The following GALNT2 variants were observed in gnomAD, a reference collection of about 807,000 sequenced individuals.
GALNT2 encodes the protein UDP-GalNAc:polypeptide N-acetylgalactosaminyltransferase 2.
GALNT2 carries 31 observed loss-of-function variants against 81.4 expected under a neutral mutation model. The ratio of observed to expected loss-of-function variants is 0.38; its 90% CI spans 0.29 to 0.51. GALNT2 has a LOEUF of 0.51. GALNT2 is among the 20% of genes least tolerant of loss of function. The pLI is 0.87. For missense variants in GALNT2, 629 were observed against 765.7 expected, an observed-to-expected ratio of 0.82 and a Z score of 2.11; for synonymous variants, 303 against 287.4, an observed-to-expected ratio of 1.05 and a Z score of -0.55.
intron 3 of GALNT2, among the ~76,000 whole-genome samples, chr1:230,227,348 A>C (rs933189870): frequency 6.6e-6 from 1 of 151,924 alleles, no homozygotes; most frequent in African/African-American, 2.4e-5. Flanking sequence ...AAACCAGAAA[A>C]AGAAAGTATA....
intron 3 of GALNT2, among the ~76,000 whole-genome samples, chr1:230,234,784 A>AT (rs1390559025): frequency 4.6e-5 from 7 of 152,130 alleles, no homozygotes; most frequent in Admixed American, 2.6e-4. Flanking sequence ...CTGTACTAGG[A>AT]TGCTCTTAGG....
At chr1:230,078,086 G>A (rs977988843) in intron 1 of GALNT2, among the ~76,000 whole-genome samples, 3 of 152,178 alleles carry the variant, frequency 2.0e-5, no homozygotes, top group Admixed American at 1.3e-4. Context: ...CGGGGGTGGT[G>A]GAGGAAAGGG....
At chr1:230,134,183 A>C (rs1661462609) in intron 1 of GALNT2, among the ~76,000 whole-genome samples, 1 of 146,930 alleles carries the variant, frequency 6.8e-6, no homozygotes, top group Admixed American at 7.0e-5. Flanking sequence ...ATCTCAGCTC[A>C]CTGCAAGCTC....
At chr1:230,129,095 A>T (rs772726343) in intron 1 of GALNT2, among the ~76,000 whole-genome samples, 1 of 152,232 alleles carries the variant, frequency 6.6e-6, no homozygotes, top group Non-Finnish European at 1.5e-5. Context: ...GGGCTCTCTC[A>T]TAATTTTATG....
intron 3 of GALNT2, among the ~76,000 whole-genome samples, chr1:230,233,728 C>T (rs928047181): frequency 6.6e-6 from 1 of 152,048 alleles, no homozygotes; most frequent in African/African-American, 2.4e-5. Context: ...TTTATGTCAG[C>T]TGAAATAAAC....
chr1:230,140,606 T>C (rs1661700341), intron 1 of GALNT2, among the ~76,000 whole-genome samples: 2 of 152,166 alleles, frequency 1.3e-5, no homozygotes, highest in South Asian at 2.1e-4. Context: ...CTTCCTGGAG[T>C]GACGCGCTGC....
intron 1 of GALNT2, among the ~76,000 whole-genome samples, chr1:230,094,038 G>A (rs190174474): frequency 6.6e-6 from 1 of 151,968 alleles, no homozygotes; most frequent in East Asian, 1.9e-4. Flanking sequence ...GTCTCGCTCT[G>A]TTGCCCAGGC....
At chr1:230,156,421 T>C (rs1259673680) in intron 1 of GALNT2, among the ~76,000 whole-genome samples, 5 of 152,270 alleles carry the variant, frequency 3.3e-5, no homozygotes, top group African/African-American at 1.2e-4. Flanking sequence ...GAAGTCAGCT[T>C]GTCCTTGGTA....
At chr1:230,208,834 A>C (rs762634274) in intron 3 of GALNT2, among the ~76,000 whole-genome samples, 7 of 152,122 alleles carry the variant, frequency 4.6e-5, no homozygotes, top group Non-Finnish European at 1.0e-4. Flanking sequence ...TGTGCCACCC[A>C]CCCAGAGCGA....
At chr1:230,203,758 C>T (rs959499589) in intron 3 of GALNT2, among the ~76,000 whole-genome samples, 133 of 152,252 alleles carry the variant, frequency 8.7e-4, no homozygotes, top group African/African-American at 3.0e-3. Context: ...TTAAATTGAG[C>T]AGAAACACAG....
At chr1:230,232,591 TC>T (rs1664898879) in intron 3 of GALNT2, among the ~76,000 whole-genome samples, 1 of 152,218 alleles carries the variant, frequency 6.6e-6, no homozygotes, top group African/African-American at 2.4e-5. Context: ...CTAGGTCTGC[TC>T]GTCTCAGCAA....
intron 3 of GALNT2, among the ~76,000 whole-genome samples, chr1:230,226,487 G>A (rs1300466828): frequency 3.3e-5 from 5 of 152,304 alleles, no homozygotes; most frequent in South Asian, 2.1e-4. Flanking sequence ...CTAATTTAAC[G>A]CCCCCACAGG....
intron 1 of GALNT2, among the ~76,000 whole-genome samples, chr1:230,173,898 G>A (rs951458704): frequency 6.6e-6 from 1 of 152,164 alleles, no homozygotes; most frequent in Non-Finnish European, 1.5e-5. Context: ...AGTAAGTAGG[G>A]CGAGGATTTT....
At chr1:230,109,585 C>G (rs373516294) in intron 1 of GALNT2, among the ~76,000 whole-genome samples, 2 of 152,064 alleles carry the variant, frequency 1.3e-5, no homozygotes, top group African/African-American at 4.8e-5. Flanking sequence ...CCCAGCACTT[C>G]GGGAGGCCGA....
rs924033118 is a variant in GALNT2 at position 230,275,747 on chromosome 1, CAT to C, written c.1560+1191_1560+1192del. Among the ~76,000 whole-genome samples the C allele has an allele frequency of 1.3e-5, 2 of 150,514 alleles. No individual in the cohort carries two copies. Among genetic ancestry groups the C allele is most frequent in the Non-Finnish European group, 3.0e-5 (2 of 67,698 alleles). ...ACCACATATATATATACAAACACCA[CAT>C]ATATATACATATATACATACACCAC... On this transcript the variant is annotated intron_variant, in intron 15 of 15. Coordinates refer to ENST00000366672, the MANE Select transcript of GALNT2 (RefSeq NM_004481.5). The surrounding 1 kb of genome is among the most constrained non-coding windows in gnomAD (Gnocchi z 5.5).
chr1:230,064,973 T>C (rs563261321), upstream of GALNT2, among the ~76,000 whole-genome samples: 5 of 152,370 alleles, frequency 3.3e-5, no homozygotes, highest in Non-Finnish European at 7.3e-5. Flanking sequence ...ATTTAGGAGT[T>C]GATAATTCCA....
At chr1:230,223,016 A>G (rs1258181943) in intron 3 of GALNT2, among the ~76,000 whole-genome samples, 2 of 152,288 alleles carry the variant, frequency 1.3e-5, no homozygotes, top group East Asian at 3.9e-4. Context: ...TACATGTTCA[A>G]CCAACCTGAT....
chr1:230,156,052 G>C (rs1662240819), intron 1 of GALNT2, among the ~76,000 whole-genome samples: 1 of 152,072 alleles, frequency 6.6e-6, no homozygotes, highest in Admixed American at 6.5e-5. Flanking sequence ...GGTGATAGAA[G>C]AGTAAAGCTT....
intron 1 of GALNT2, among the ~76,000 whole-genome samples, chr1:230,082,489 C>G (rs995578777): frequency 6.6e-6 from 1 of 152,240 alleles, no homozygotes; most frequent in African/African-American, 2.4e-5. Flanking sequence ...GTTGGCCTAC[C>G]TTGGAGAGAT....
Sources: allele counts gnomAD v4.1 joint callset (sites outside exome capture counted in the v4.1 genomes callset), GRCh38; gene constraint gnomAD v4.1.1; non-coding constraint Gnocchi (gnomAD v3.1); transcripts MANE v1.5; gene names NCBI Gene and HGNC (gene_info 2026-07-23, HGNC 2026-07-21).